The following TMEM272 variants were observed in gnomAD, a reference collection of about 807,000 sequenced individuals.
The protein encoded by TMEM272 is long intergenic non-protein coding RNA 282.
TMEM272 carries 8 observed loss-of-function variants against 3.7 expected under a neutral mutation model. The ratio of observed to expected loss-of-function variants is 2.17; its 90% CI spans 1.27 to 3.91. TMEM272 has a LOEUF of 3.91. Among genes scored for constraint, TMEM272 ranks in the 30% most tolerant of loss-of-function variants. TMEM272 has a pLI of 0.00. For synonymous variants in TMEM272, 63 were observed against 39.8 expected, an observed-to-expected ratio of 1.58 and a Z score of -2.20; for missense variants, 166 against 91.5, an observed-to-expected ratio of 1.81 and a Z score of -3.32.
the TMEM272 span, among the ~76,000 whole-genome samples, chr13:51,871,136 C>A: frequency 6.6e-6 from 1 of 151,808 alleles, no homozygotes; most frequent in East Asian, 1.9e-4. Context: ...CCCACCCACA[C>A]TGAGTAGGGC....
At chr13:51,879,453 T>C in the TMEM272 span, among the ~76,000 whole-genome samples, 1 of 152,254 alleles carries the variant, frequency 6.6e-6, no homozygotes, top group East Asian at 1.9e-4. Flanking sequence ...ACAGAAGTAA[T>C]CCATCAAACT....
At chr13:51,902,654 G>A in the TMEM272 span, among the ~76,000 whole-genome samples, 9 of 152,192 alleles carry the variant, frequency 5.9e-5, no homozygotes, top group Admixed American at 2.6e-4. Flanking sequence ...AAGGCCACCT[G>A]CCTCAGTCAA....
chr13:51,876,438 G>T, the TMEM272 span, among the ~76,000 whole-genome samples: 4 of 152,308 alleles, frequency 2.6e-5, no homozygotes, highest in East Asian at 5.8e-4. Flanking sequence ...ATCCTGTTAG[G>T]TTCTTAATAA....
the TMEM272 span, among the ~76,000 whole-genome samples, chr13:51,889,641 G>GGA: frequency 1.3e-5 from 2 of 151,760 alleles, no homozygotes; most frequent in Non-Finnish European, 2.9e-5. Context: ...TGTGTGGGGG[G>GGA]GTTTTGTTTG....
At chr13:51,930,625 G>A in the TMEM272 span, 2 of 150,792 alleles carry the variant, frequency 1.3e-5, no homozygotes, top group African/African-American at 2.4e-5. Flanking sequence ...TTGCACATAC[G>A]TTCCTTGTTT....
In TMEM272 at chr13:51,825,916, G is replaced by A. The variant is rs1956121064; in HGVS notation, c.118+650C>T. Reference sequence around the variant, plus strand: ...GAGCCACCATGCCCAGCCATGCTGGGCTTCTAGGTAAATAGGGGTAGCTAG... The same window carrying A: ...GAGCCACCATGCCCAGCCATGCTGGACTTCTAGGTAAATAGGGGTAGCTAG... On this transcript the variant is annotated intron_variant, in intron 3 of 4. Coordinates refer to ENST00000629372, the MANE Select transcript of TMEM272 (RefSeq NM_001351003.2). 2.0e-5 allele frequency among the ~76,000 whole-genome samples: 3 copies of A among 151,960 alleles called. No individual in the cohort carries two copies. The South Asian group carries it at 6.2e-4, about 31-fold the overall frequency.
the TMEM272 span, among the ~76,000 whole-genome samples, chr13:51,885,334 C>T: frequency 2.0e-5 from 3 of 152,126 alleles, no homozygotes; most frequent in Admixed American, 6.5e-5. Context: ...CTCACAGTTC[C>T]GCATGGCTGG....
chr13:51,816,700 C>T lies in TMEM272; in HGVS notation c.*51G>A, dbSNP rs554823462. The T allele has an allele frequency of 1.2e-5, 8 of 653,274 alleles. No homozygotes were observed. Among genetic ancestry groups the T allele is most frequent in the Admixed American group, 8.5e-5 (4 of 47,240 alleles). The allele number at this position is 653,274 out of a possible 1,614,324, so 40.5% of individuals were successfully genotyped here. On this transcript the variant is annotated 3_prime_UTR_variant, in exon 5 of 5. Coordinates refer to ENST00000629372, the MANE Select transcript of TMEM272 (RefSeq NM_001351003.2). ...GTGCGTCTGTGTGTCTGTGTGCACG[C>T]GCGTGCATGCACACGCATATGCATA...
At chr13:51,934,330 C>G in the TMEM272 span, 3 of 295,868 alleles carry the variant, frequency 1.0e-5, no homozygotes, top group Non-Finnish European at 2.0e-5. Context: ...TGCACACAGA[C>G]AGGCGTCATC....
intron 2 of TMEM272, among the ~76,000 whole-genome samples, chr13:51,828,936 G>C (rs1034262222): frequency 6.6e-6 from 1 of 152,202 alleles, no homozygotes; most frequent in African/African-American, 2.4e-5. Context: ...GATGTTCTAA[G>C]AAACAGGAAC....
chr13:51,872,222 G>T, the TMEM272 span, among the ~76,000 whole-genome samples: 1 of 152,084 alleles, frequency 6.6e-6, no homozygotes, highest in African/African-American at 2.4e-5. Context: ...AGATAAGAAA[G>T]ATATTGCATC....
At chr13:51,838,228 C>G (rs1956232158) in intron 2 of TMEM272, among the ~76,000 whole-genome samples, 1 of 152,164 alleles carries the variant, frequency 6.6e-6, no homozygotes. Flanking sequence ...GCATATTTTT[C>G]AAACACATAT....
the TMEM272 span, among the ~76,000 whole-genome samples, chr13:51,911,061 T>G: frequency 6.6e-6 from 1 of 152,326 alleles, no homozygotes; most frequent in East Asian, 1.9e-4. Context: ...TTGGGGTCTT[T>G]CATTATGCAG....
At chr13:51,827,674 G>A (rs1267894463) in intron 2 of TMEM272, among the ~76,000 whole-genome samples, 2 of 152,150 alleles carry the variant, frequency 1.3e-5, no homozygotes, top group Non-Finnish European at 2.9e-5. Flanking sequence ...GGTAGCTTCT[G>A]TAGCATCTAC....
At chr13:51,866,201 A>G in the TMEM272 span, 1 of 889,862 alleles carries the variant, frequency 1.1e-6, no homozygotes, top group Admixed American at 3.1e-5. Context: ...GAAAGATCCA[A>G]TAAAGTCCTG....
At chr13:51,838,631 T>G in intron 1 of TMEM272, 78 bp from the exon 2 acceptor site, 1 of 700,444 alleles carries the variant, frequency 1.4e-6, no homozygotes, top group Non-Finnish European at 2.6e-6. Flanking sequence ...TCTCTGTGCA[T>G]GTCAGTGGTG....
the TMEM272 span, among the ~76,000 whole-genome samples, chr13:51,930,180 T>C: frequency 6.6e-6 from 1 of 151,552 alleles, no homozygotes; most frequent in Non-Finnish European, 1.5e-5. Context: ...CTATAAGCAG[T>C]TATTATGTTT....
chr13:51,869,875 C>T, the TMEM272 span, among the ~76,000 whole-genome samples: 1 of 152,134 alleles, frequency 6.6e-6, no homozygotes, highest in Non-Finnish European at 1.5e-5. Flanking sequence ...ATCCTGCAGT[C>T]GAAGAGGGAT....
At chr13:51,887,513 AC>A in the TMEM272 span, among the ~76,000 whole-genome samples, 1 of 152,178 alleles carries the variant, frequency 6.6e-6, no homozygotes, top group Non-Finnish European at 1.5e-5. Flanking sequence ...CTTTCTATAC[AC>A]CTGCTTTATT....
Sources: gnomAD v4.1 joint callset for allele counts (sites outside exome capture counted in the v4.1 genomes callset) on GRCh38, gnomAD v4.1.1 for gene constraint, MANE v1.5 for transcripts, NCBI Gene and HGNC (gene_info 2026-07-23, HGNC 2026-07-21) for gene names.